The following KIAA1549 variants were observed in gnomAD, a reference collection of about 807,000 sequenced individuals.
The protein encoded by KIAA1549 is UPF0606 protein KIAA1549.
KIAA1549 carries 70 observed loss-of-function variants against 156.4 expected under a neutral mutation model. That is an observed-to-expected ratio of 0.45 (90% CI 0.37 to 0.55). The LOEUF is 0.55. KIAA1549 is among the 20% of genes least tolerant of loss of function. The probability of loss-of-function intolerance (pLI) is 0.00; values close to 1 mark genes in which losing one functional copy is unlikely to be tolerated. For synonymous variants in KIAA1549, 1,103 were observed against 1,066.4 expected, an observed-to-expected ratio of 1.03 and a Z score of -0.67; for missense variants, 2,428 against 2,540.9, an observed-to-expected ratio of 0.96 and a Z score of 0.96.
intron 10 of KIAA1549, among the ~76,000 whole-genome samples, chr7:138,892,532 T>C (rs995629845): frequency 6.6e-6 from 1 of 152,220 alleles, no homozygotes; most frequent in South Asian, 2.1e-4. Context: ...CCCCATGCCA[T>C]TCACCAGTAT....
intron 1 of KIAA1549, among the ~76,000 whole-genome samples, chr7:138,959,027 G>C (rs759352838): frequency 6.6e-6 from 1 of 152,082 alleles, no homozygotes; most frequent in Non-Finnish European, 1.5e-5. Flanking sequence ...AGCCCCCCGA[G>C]TAGCTGGGAT....
chr7:138,890,595 C>T (rs1024205076), intron 10 of KIAA1549, among the ~76,000 whole-genome samples: 1 of 152,240 alleles, frequency 6.6e-6, no homozygotes, highest in Non-Finnish European at 1.5e-5. Context: ...CCACAGGTGA[C>T]ACCCGGCACG....
intron 16 of KIAA1549, among the ~76,000 whole-genome samples, chr7:138,859,584 C>T (rs772426674): frequency 8.5e-5 from 13 of 152,144 alleles, no homozygotes; most frequent in Non-Finnish European, 1.3e-4. Context: ...CCTTTTCCTC[C>T]CCAGACTTCC....
intron 1 of KIAA1549, among the ~76,000 whole-genome samples, chr7:138,925,111 C>T (rs575175324): frequency 3.1e-4 from 47 of 152,298 alleles, no homozygotes; most frequent in African/African-American, 1.0e-3. Flanking sequence ...CCATGCTGGA[C>T]GTCACAGCGG....
Position 138,836,114 on chromosome 7 carries a change from ATCAG to A in KIAA1549, c.*1788_*1791del, listed in dbSNP as rs1287671936. The A allele has an allele frequency of 1.4e-5, 3 of 213,494 alleles. No homozygotes were observed. Among genetic ancestry groups the A allele is most frequent in the African/African-American group, 2.3e-5 (1 of 44,228 alleles). 13.2% of individuals were successfully genotyped at this position (213,494 alleles called of 1,614,324 possible). On this transcript the variant is annotated 3_prime_UTR_variant, in exon 20 of 20. Coordinates refer to ENST00000422774, the MANE Select transcript of KIAA1549 (RefSeq NM_001164665.2). Reference sequence around the variant, plus strand: ...ACTTGACACAGATACACAGGTTTTGATCAGTCAGAGCCCCAAATTCTATAGCCCC... The same window carrying A: ...ACTTGACACAGATACACAGGTTTTGATCAGAGCCCCAAATTCTATAGCCCC...
At chr7:138,889,013 C>T (rs952754166) in intron 10 of KIAA1549, among the ~76,000 whole-genome samples, 8 of 152,114 alleles carry the variant, frequency 5.3e-5, no homozygotes, top group East Asian at 1.9e-4. Flanking sequence ...TGCCTCTAAG[C>T]GAAAGAAAAC....
chr7:138,871,265 C>T lies in KIAA1549; in HGVS notation c.4443G>A (p.Arg1481=), dbSNP rs752356285. Residue 1481 remains arginine (R), a synonymous_variant, in exon 13 of 20, where the codon CGG becomes CGA. Transcript: ENST00000422774. Reference sequence around the variant, plus strand: ...CGATAAGCTGGATCTTACTGGGGACCCGCCGGCTAGCCTCCGGGGGGCGGG... The same window carrying T: ...CGATAAGCTGGATCTTACTGGGGACTCGCCGGCTAGCCTCCGGGGGGCGGG... ...RISRPPEASR[R]VPSKIQLIAM... is the part of the protein sequence containing the mutation. 10 of 1,612,052 alleles carry T rather than the reference C, an allele frequency of 6.2e-6. No homozygotes were observed. Among genetic ancestry groups the T allele is most frequent in the Non-Finnish European group, 7.6e-6 (9 of 1,179,172 alleles).
intron 12 of KIAA1549, among the ~76,000 whole-genome samples, chr7:138,878,711 G>A (rs1405215717): frequency 3.3e-5 from 5 of 151,516 alleles, no homozygotes; most frequent in African/African-American, 7.3e-5. Context: ...GCAGTGAGCC[G>A]GGACTGTGCC....
rs1809580342 is a variant in KIAA1549, at chr7:138,832,877, A to G, written c.*5029T>C. 4.4e-6 allele frequency: 1 copy of G among 229,172 alleles called. No homozygotes were observed. Among genetic ancestry groups the G allele is most frequent in the South Asian group, 1.8e-4 (1 of 5,490 alleles). 14.2% of individuals were successfully genotyped at this position (229,172 alleles called of 1,614,324 possible). ...GAATATCAAAAGAAACCCGAAATGCACATCCTCCTTGTTCATTAGGTAACA... is the reference window on the plus strand; with the variant it reads ...GAATATCAAAAGAAACCCGAAATGCGCATCCTCCTTGTTCATTAGGTAACA... On this transcript the variant is annotated 3_prime_UTR_variant, in exon 20 of 20. Transcript: ENST00000422774.
At chr7:138,881,663 G>C (rs1471788590) in intron 10 of KIAA1549, 79 bp from the exon 11 acceptor site, 3 of 1,258,098 alleles carry the variant, frequency 2.4e-6, no homozygotes, top group Non-Finnish European at 3.3e-6. Flanking sequence ...TCTGACCCAA[G>C]ACTGTGCTGG....
At chr7:138,940,269 G>GT (rs144200837) in intron 1 of KIAA1549, among the ~76,000 whole-genome samples, 39,636 of 150,660 alleles carry the variant, frequency 0.26, 6,449 homozygotes, top group African/African-American at 0.47. Flanking sequence ...GTGGTGTTTG[G>GT]TTTTTTGTCC....
intron 2 of KIAA1549, among the ~76,000 whole-genome samples, chr7:138,915,119 A>G (rs1400139148): frequency 1.3e-5 from 2 of 152,104 alleles, no homozygotes; most frequent in African/African-American, 4.8e-5. Flanking sequence ...CACAATGCCT[A>G]ATCTCCAGCC....
At chr7:138,851,352 C>T (rs1810226877) in intron 17 of KIAA1549, among the ~76,000 whole-genome samples, 1 of 152,114 alleles carries the variant, frequency 6.6e-6, no homozygotes, top group African/African-American at 2.4e-5. Context: ...TAGAACTACA[C>T]TAGAATCCTT....
intron 13 of KIAA1549, among the ~76,000 whole-genome samples, chr7:138,870,534 G>C (rs1298536892): frequency 6.6e-6 from 1 of 152,206 alleles, no homozygotes; most frequent in Non-Finnish European, 1.5e-5. Context: ...TGCCCCCAGA[G>C]TGGTATCCCC....
chr7:138,849,507 G>T (rs1171006412), intron 17 of KIAA1549, among the ~76,000 whole-genome samples: 1 of 151,066 alleles, frequency 6.6e-6, no homozygotes, highest in Non-Finnish European at 1.5e-5. Context: ...GGTACTGCAG[G>T]TTACTTACAA....
In KIAA1549 at chr7:138,835,653, G is replaced by A. The variant is rs751517864; in HGVS notation, c.*2253C>T. The A allele has an allele frequency of 1.1e-4, 24 of 220,006 alleles. No homozygotes were observed. Among genetic ancestry groups the A allele is most frequent in the Admixed American group, 3.5e-4 (6 of 17,288 alleles). The allele number at this position is 220,006 out of a possible 1,614,324, so 13.6% of individuals were successfully genotyped here. ...GGTGTCCATAATAAAATTCTGCTTG[G>A]ATATCTGAAATTCTTAATAACATAT... On this transcript the variant is annotated 3_prime_UTR_variant, in exon 20 of 20. Transcript: ENST00000422774.
At chr7:138,932,455 ACCATG>A (rs1812899135) in intron 1 of KIAA1549, among the ~76,000 whole-genome samples, 2 of 152,356 alleles carry the variant, frequency 1.3e-5, no homozygotes, top group South Asian at 4.1e-4. Context: ...AGGAGACCAG[ACCATG>A]CAAGGCTTAG....
intron 17 of KIAA1549, among the ~76,000 whole-genome samples, chr7:138,847,704 T>G (rs1281117534): frequency 6.6e-6 from 1 of 152,232 alleles, no homozygotes; most frequent in Non-Finnish European, 1.5e-5. Flanking sequence ...TTTCTCAAAG[T>G]GTCTGGGCTA....
rs1809761036 is a variant in KIAA1549, at chr7:138,837,665, C to T, written c.*241G>A. On this transcript the variant is annotated 3_prime_UTR_variant, in exon 20 of 20. Transcript: ENST00000422774. ...TTTTGTTTTTGTGAAGTGCTGCTGGCTTTTGGCCAAAATACATATATTTCA... is the reference window on the plus strand; with the variant it reads ...TTTTGTTTTTGTGAAGTGCTGCTGGTTTTTGGCCAAAATACATATATTTCA... 1.8e-6 allele frequency: 1 copy of T among 560,490 alleles called. No individual in the cohort carries two copies. The highest frequency in any genetic ancestry group is 3.4e-5 in the Admixed American group (1 of 29,076). The allele number at this position is 560,490 out of a possible 1,614,324, so 34.7% of individuals were successfully genotyped here.
Sources: gnomAD v4.1 joint callset for allele counts (sites outside exome capture counted in the v4.1 genomes callset) on GRCh38, gnomAD v4.1.1 for gene constraint, MANE v1.5 for transcripts, NCBI Gene and HGNC (gene_info 2026-07-23, HGNC 2026-07-21) for gene names.